Variants in ADCY8 observed in about 807,000 individuals in gnomAD.
ADCY8 encodes adenylate cyclase 8.
ADCY8 carries 51 observed loss-of-function variants against 119.7 expected under a neutral mutation model. That is an observed-to-expected ratio of 0.43 (90% CI 0.34 to 0.54). The LOEUF is 0.54. Ranked by LOEUF, ADCY8 falls within the 20% of genes least tolerant of loss-of-function variation. The pLI is 0.03. For synonymous variants in ADCY8, 665 were observed against 651.0 expected, an observed-to-expected ratio of 1.02 and a Z score of -0.33; for missense variants, 1,383 against 1,598.8, an observed-to-expected ratio of 0.87 and a Z score of 2.30.
chr8:130,892,994 G>C (rs924211557), intron 7 of ADCY8, among the ~76,000 whole-genome samples: 1 of 152,088 alleles, frequency 6.6e-6, no homozygotes, highest in Non-Finnish European at 1.5e-5. Flanking sequence ...GCTTGCCTCT[G>C]ATATTATTCT....
chr8:130,852,903 G>C (rs1269221520), intron 9 of ADCY8, among the ~76,000 whole-genome samples: 1 of 152,190 alleles, frequency 6.6e-6, no homozygotes, highest in African/African-American at 2.4e-5. Context: ...ACCTGGCATA[G>C]GGCTGAGTAT....
chr8:130,846,888 T>C (rs1411837616), intron 11 of ADCY8, among the ~76,000 whole-genome samples: 714 of 19,844 alleles, frequency 0.036, 88 homozygotes, highest in African/African-American at 0.071. Flanking sequence ...TTCCCTTCCC[T>C]TTCCTTCCTT....
intron 5 of ADCY8, among the ~76,000 whole-genome samples, chr8:130,912,875 A>G (rs1268100783): frequency 1.3e-5 from 2 of 152,158 alleles, no homozygotes; most frequent in African/African-American, 4.8e-5. Context: ...AAAATTGACA[A>G]GGCAAGAGAA....
intron 1 of ADCY8, among the ~76,000 whole-genome samples, chr8:131,019,431 T>C (rs1487491522): frequency 6.6e-6 from 1 of 152,196 alleles, no homozygotes; most frequent in Non-Finnish European, 1.5e-5. Context: ...GCAGATTCTT[T>C]GGGTCATCTT....
At chr8:130,915,427 G>C (rs1424038073) in intron 5 of ADCY8, among the ~76,000 whole-genome samples, 1 of 152,120 alleles carries the variant, frequency 6.6e-6, no homozygotes, top group Non-Finnish European at 1.5e-5. Flanking sequence ...GTAGGGGCTA[G>C]AGCAAATTAC....
intron 12 of ADCY8, among the ~76,000 whole-genome samples, chr8:130,835,806 T>C (rs1384819003): frequency 3.3e-5 from 5 of 152,126 alleles, no homozygotes; most frequent in African/African-American, 4.8e-5. Context: ...AACTATACTG[T>C]TTTTGTTTGT....
chr8:130,827,065 A>G (rs189500390), intron 12 of ADCY8, among the ~76,000 whole-genome samples: 1 of 152,324 alleles, frequency 6.6e-6, no homozygotes, highest in Admixed American at 6.5e-5. Context: ...AAAGTATAAA[A>G]AAAAGATGTT....
At chr8:130,884,160 G>A (rs900887505) in intron 8 of ADCY8, among the ~76,000 whole-genome samples, 7 of 152,248 alleles carry the variant, frequency 4.6e-5, no homozygotes, top group East Asian at 1.9e-4. Context: ...ATCACTGACC[G>A]CTTACATCAA....
intron 12 of ADCY8, among the ~76,000 whole-genome samples, chr8:130,832,944 CA>C (rs1326077512): frequency 6.6e-6 from 1 of 152,324 alleles, no homozygotes; most frequent in Admixed American, 6.5e-5. Context: ...GATTTGAAGC[CA>C]AAGACCCAGC....
intron 1 of ADCY8, among the ~76,000 whole-genome samples, chr8:130,998,699 A>G (rs1391615704): frequency 1.3e-5 from 2 of 152,176 alleles, no homozygotes; most frequent in Middle Eastern, 3.2e-3. Context: ...AGTCTCCTTG[A>G]AAAGAGATTT....
intron 8 of ADCY8, 74 bp from the exon 9 acceptor site, chr8:130,868,020 A>G (rs1276381839): frequency 5.4e-6 from 5 of 934,564 alleles, no homozygotes; most frequent in Non-Finnish European, 8.1e-6. Context: ...AAACATCAAG[A>G]AGAAACAAGG....
chr8:130,782,703 A>G (rs1815122966), intron 17 of ADCY8, among the ~76,000 whole-genome samples: 1 of 152,268 alleles, frequency 6.6e-6, no homozygotes, highest in Non-Finnish European at 1.5e-5. Flanking sequence ...ACAAGCGCTG[A>G]ACATCCCATC....
intron 12 of ADCY8, among the ~76,000 whole-genome samples, chr8:130,833,446 A>G (rs1816898459): frequency 6.6e-6 from 1 of 152,216 alleles, no homozygotes; most frequent in East Asian, 1.9e-4. Flanking sequence ...AATGAACATG[A>G]GAGAGCAATC....
chr8:130,979,019 G>A (rs1386756559), intron 2 of ADCY8, among the ~76,000 whole-genome samples: 2 of 152,142 alleles, frequency 1.3e-5, no homozygotes, highest in Admixed American at 6.6e-5. Flanking sequence ...TAGGTCTAAT[G>A]CTGGTTGGGG....
intron 2 of ADCY8, among the ~76,000 whole-genome samples, chr8:130,985,418 A>T (rs960708912): frequency 2.0e-5 from 3 of 152,188 alleles, no homozygotes; most frequent in Admixed American, 6.5e-5. Context: ...TGAATATTTC[A>T]GTATAAACTA....
At chr8:131,011,408 G>A (rs999870233) in intron 1 of ADCY8, among the ~76,000 whole-genome samples, 1 of 152,092 alleles carries the variant, frequency 6.6e-6, no homozygotes. Flanking sequence ...TGCATCTAGA[G>A]TGCTTTATGG....
intron 8 of ADCY8, among the ~76,000 whole-genome samples, chr8:130,873,226 G>A (rs1330372709): frequency 1.3e-5 from 2 of 152,126 alleles, no homozygotes; most frequent in Non-Finnish European, 2.9e-5. Flanking sequence ...TAAGGTAAAA[G>A]GCACTGAAAG....
chr8:130,864,226 C>T lies in ADCY8; in HGVS notation c.2210+3620G>A, dbSNP rs570072182. Among the ~76,000 whole-genome samples, 92 of 152,206 alleles carry T rather than the reference C, an allele frequency of 6.0e-4. 1 individual carries two copies. The South Asian group carries it at 0.011, about 19-fold the overall frequency. On this transcript the variant is annotated intron_variant, in intron 9 of 17. Coordinates refer to ENST00000286355, the MANE Select transcript of ADCY8 (RefSeq NM_001115.3). ...TCCTTCCTTCTGGTAAGATGATGTC[C>T]TTCACTGTGGTATCCTCTAAGATTT...
intron 5 of ADCY8, among the ~76,000 whole-genome samples, chr8:130,911,949 C>T (rs544189987): frequency 2.0e-5 from 3 of 152,172 alleles, no homozygotes; most frequent in Non-Finnish European, 4.4e-5. Context: ...TTATTCTTCT[C>T]ATTCCTCATG....
Sources: gnomAD v4.1 joint callset for allele counts (sites outside exome capture counted in the v4.1 genomes callset) on GRCh38, gnomAD v4.1.1 for gene constraint, MANE v1.5 for transcripts, NCBI Gene and HGNC (gene_info 2026-07-23, HGNC 2026-07-21) for gene names.